The following RNF19A variants were observed in gnomAD, a reference collection of about 807,000 sequenced individuals.
The protein encoded by RNF19A is ring finger protein 19A, RBR E3 ubiquitin protein ligase, also known as E3 ubiquitin-protein ligase RNF19A.
Under a neutral mutation model 75.7 loss-of-function variants are expected in RNF19A, and 32 were observed. The observed-to-expected ratio is 0.42, with a 90% CI of 0.32 to 0.57. RNF19A has a LOEUF of 0.57. Ranked by LOEUF, RNF19A falls within the 20% of genes least tolerant of loss-of-function variation. The probability of loss-of-function intolerance (pLI) is 0.10; values close to 1 mark genes in which losing one functional copy is unlikely to be tolerated. For synonymous variants in RNF19A, 335 were observed against 345.2 expected (o/e 0.97, Z 0.33); for missense variants, 782 against 1,036.3 (o/e 0.75, Z 3.37).
chr8:100,294,338 C>G (rs1821447211), intron 1 of RNF19A, among the ~76,000 whole-genome samples: 1 of 152,262 alleles, frequency 6.6e-6, no homozygotes, highest in South Asian at 2.1e-4. Context: ...TTACCAATCC[C>G]TTCTATCTTG....
chr8:100,311,757 A>G (rs1273723670), upstream of RNF19A, among the ~76,000 whole-genome samples: 3 of 151,486 alleles, frequency 2.0e-5, no homozygotes, highest in Non-Finnish European at 4.4e-5. Context: ...AAATAGATCA[A>G]CATGTTAAAC....
rs1450790128 is a variant in RNF19A at position 100,323,628 on chromosome 8, G to A, written c.-242-10256C>T. Among the ~76,000 whole-genome samples the A allele has an allele frequency of 6.6e-6, 1 of 152,212 alleles. No individual in the cohort carries two copies. The highest frequency in any genetic ancestry group is 1.5e-5 in the Non-Finnish European group (1 of 68,054). ...TTGCCAGGGGAATCCCATTAGAAAT[G>A]TGTTAGAGGAAGACATATTTAAATA... On this transcript the variant is annotated intron_variant, in intron 1 of 3. Coordinates refer to the RNF19A transcript ENST00000519527. The surrounding 1 kb of genome is among the most constrained non-coding windows in gnomAD (Gnocchi z 4.6).
intron 1 of RNF19A, among the ~76,000 whole-genome samples, chr8:100,302,760 C>T (rs750276869): frequency 1.2e-4 from 18 of 152,168 alleles, no homozygotes; most frequent in Non-Finnish European, 2.2e-4. Context: ...AGGAATTACA[C>T]TTTAAAGAAG....
rs1822649743 is a variant in RNF19A, at chr8:100,334,503, G to T, written c.-243+1605C>A. 1.3e-5 allele frequency among the ~76,000 whole-genome samples: 2 copies of T among 152,194 alleles called. 1 individual carries two copies. Among genetic ancestry groups the T allele is most frequent in the South Asian group, 4.1e-4 (2 of 4,830 alleles). ...CAGAGGCAAATTAGTTGAAGCCCCAGAACATTGGGGTTCTGAGCCCTGGCT... is the reference window on the plus strand; with the variant it reads ...CAGAGGCAAATTAGTTGAAGCCCCATAACATTGGGGTTCTGAGCCCTGGCT... On this transcript the variant is annotated intron_variant, in intron 1 of 3. Coordinates refer to the RNF19A transcript ENST00000519527.
At position 100,258,483 on chromosome 8, in the gene RNF19A, A is replaced by T; in HGVS notation, c.*73T>A. ...GGCTTTTGCTGGTAACCTGAAACTT[A>T]AGTAGTCACATGTAGTTCAACCAGC... is the stretch of plus-strand genomic sequence containing the variant. On this transcript the variant is annotated 3_prime_UTR_variant, in exon 10 of 10. Coordinates refer to ENST00000341084, the MANE Select transcript of RNF19A (RefSeq NM_183419.4). The surrounding 1 kb of genome is among the most constrained non-coding windows in gnomAD (Gnocchi z 4.3). 8.1e-7 allele frequency: 1 copy of T among 1,231,504 alleles called. No individual in the cohort carries two copies. Among genetic ancestry groups the T allele is most frequent in the South Asian group, 1.5e-5 (1 of 67,714 alleles). The allele number at this position is 1,231,504 out of a possible 1,614,324, so 76.3% of individuals were successfully genotyped here.
In RNF19A at chr8:100,259,315, G is replaced by A; in HGVS notation, c.1827-69C>T. On this transcript the variant is annotated intron_variant, in intron 9 of 9. Transcript: ENST00000341084. This position sits in a 1 kb window ranked among gnomAD's most constrained non-coding sequence, Gnocchi z 4.5. Reference sequence around the variant, plus strand: ...TTTTTGTTCAGATGACTGGGGGAAGGGTTTCTATGTGGAAAATTCAGACTA... The same window carrying A: ...TTTTTGTTCAGATGACTGGGGGAAGAGTTTCTATGTGGAAAATTCAGACTA... 7.7e-7 allele frequency: 1 copy of A among 1,292,482 alleles called. No homozygotes were observed. The highest frequency in any genetic ancestry group is 1.4e-5 in the South Asian group (1 of 72,298). The allele number at this position is 1,292,482 out of a possible 1,614,324, so 80.1% of individuals were successfully genotyped here.
chr8:100,270,046 A>G (rs753112289), intron 3 of RNF19A, 33 bp from the exon 4 acceptor site: 3 of 1,478,946 alleles, frequency 2.0e-6, no homozygotes, highest in Non-Finnish European at 2.7e-6. Context: ...TATTAAGTAC[A>G]TAAAACTGGT....
rs781115613 is a variant in RNF19A at position 100,287,762 on chromosome 8, C to T, written c.413G>A (p.Arg138Gln). The change falls in exon 2 of 10, where the codon CGG (arginine) becomes CAG (glutamine). Residue 138 changes from arginine (R) to glutamine (Q), a missense_variant. By Grantham distance (43) the Arg-to-Gln change is conservative. Coordinates refer to ENST00000341084, the MANE Select transcript of RNF19A (RefSeq NM_183419.4). The surrounding 1 kb of genome is among the most constrained non-coding windows in gnomAD (Gnocchi z 4.1). ...DFIECPLCLL[R>Q]HSKDRFPDIM... ...ATCAGGAAATCTGTCTTTAGAATGC[C>T]GCAAAAGGCACAAAGGGCACTCTAT... 1.5e-5 allele frequency: 25 copies of T among 1,613,928 alleles called. No homozygotes were observed. The highest frequency in any genetic ancestry group is 5.3e-5 in the African/African-American group (4 of 74,886).
intron 1 of RNF19A, among the ~76,000 whole-genome samples, chr8:100,318,905 A>G (rs758853823): frequency 6.6e-6 from 1 of 152,242 alleles, no homozygotes; most frequent in Non-Finnish European, 1.5e-5. Flanking sequence ...CCAGATGATA[A>G]CAGTGACCCA....
In RNF19A at chr8:100,259,295, G is replaced by T; in HGVS notation, c.1827-49C>A. The T allele has an allele frequency of 6.8e-7, 1 of 1,463,134 alleles. No individual in the cohort carries two copies. The highest frequency in any genetic ancestry group is 9.3e-7 in the Non-Finnish European group (1 of 1,073,932). 90.6% of individuals were successfully genotyped at this position (1,463,134 alleles called of 1,614,324 possible). A position where few individuals can be genotyped will look rare whatever the true frequency, so the allele number is the denominator to read the frequency against. On this transcript the variant is annotated intron_variant, in intron 9 of 9. Coordinates refer to ENST00000341084, the MANE Select transcript of RNF19A (RefSeq NM_183419.4). The surrounding 1 kb of genome is among the most constrained non-coding windows in gnomAD (Gnocchi z 4.5). ...CAAACATAATTGCTGACTTCTTTTT[G>T]TTCAGATGACTGGGGGAAGGGTTTC... is the stretch of plus-strand genomic sequence containing the variant.
At chr8:100,267,254 TA>T (rs764944412) in intron 5 of RNF19A, among the ~76,000 whole-genome samples, 1 of 152,238 alleles carries the variant, frequency 6.6e-6, no homozygotes, top group Non-Finnish European at 1.5e-5. Flanking sequence ...ATATATTACA[TA>T]AACTTTCCTA....
chr8:100,313,081 A>C (rs752651485), upstream of RNF19A, among the ~76,000 whole-genome samples: 4 of 152,214 alleles, frequency 2.6e-5, no homozygotes, highest in East Asian at 1.9e-4. Flanking sequence ...AATTTTTGGC[A>C]GTATTCTCTT....
rs1388236200 is a variant in RNF19A at position 100,309,900 on chromosome 8, G to T, written c.-127C>A. 2.0e-6 allele frequency: 2 copies of T among 985,634 alleles called. No homozygotes were observed. The highest frequency in any genetic ancestry group is 1.7e-5 in the African/African-American group (1 of 57,270). 61.1% of individuals were successfully genotyped at this position (985,634 alleles called of 1,614,324 possible). A position where few individuals can be genotyped will look rare whatever the true frequency, so the allele number is the denominator to read the frequency against. ...CCTCAGAGCGGCGGCAGCGCAGGGT[G>T]GCGGGCGAGTAGGCCCATCTCCCAG... On this transcript the variant is annotated 5_prime_UTR_variant, in exon 1 of 10. Transcript: ENST00000341084.
intron 1 of RNF19A, among the ~76,000 whole-genome samples, chr8:100,292,565 A>G (rs1821359910): frequency 1.3e-5 from 2 of 151,966 alleles, no homozygotes; most frequent in African/African-American, 2.4e-5. Context: ...CTGACTTTTG[A>G]CTTCTACACC....
chr8:100,313,599 A>G (rs1181647031), upstream of RNF19A, among the ~76,000 whole-genome samples: 2 of 152,196 alleles, frequency 1.3e-5, no homozygotes, highest in East Asian at 3.8e-4. Context: ...AGAATTCTAA[A>G]TGATTGGTAT....
chr8:100,326,794 G>A (rs925993867), intron 1 of RNF19A, among the ~76,000 whole-genome samples: 3 of 152,078 alleles, frequency 2.0e-5, no homozygotes, highest in Admixed American at 6.5e-5. Flanking sequence ...TAAACAGTCT[G>A]TATCAAACAC....
chr8:100,334,715 G>A (rs775958531), intron 1 of RNF19A, among the ~76,000 whole-genome samples: 4 of 152,116 alleles, frequency 2.6e-5, no homozygotes, highest in East Asian at 1.9e-4. Flanking sequence ...ACCCAGCCCC[G>A]CTGGCGTGCA....
upstream of RNF19A, chr8:100,309,960 G>A (rs891461124): frequency 3.0e-6 from 3 of 985,586 alleles, no homozygotes; most frequent in African/African-American, 5.2e-5. Context: ...GCGCGGGGGA[G>A]GGTCCCTCCG....
chr8:100,294,527 C>T (rs894047654), intron 1 of RNF19A, among the ~76,000 whole-genome samples: 4 of 152,152 alleles, frequency 2.6e-5, no homozygotes, highest in African/African-American at 9.7e-5. Context: ...TTGGAAGTTA[C>T]TTACCATAAC....
Sources: gnomAD v4.1 joint callset for allele counts (sites outside exome capture counted in the v4.1 genomes callset) on GRCh38, gnomAD v4.1.1 for gene constraint, Gnocchi (gnomAD v3.1) non-coding constraint, MANE v1.5 for transcripts, NCBI Gene and HGNC (gene_info 2026-07-23, HGNC 2026-07-21) for gene names.